OTC: variants seen among roughly 807,000 people sequenced by gnomAD.
OTC encodes ornithine transcarbamylase.
Under a neutral mutation model 30.3 loss-of-function variants are expected in OTC, and 3 were observed. The ratio of observed to expected loss-of-function variants is 0.10; its 90% CI spans 0.05 to 0.26. The LOEUF (loss-of-function observed/expected upper bound fraction) is 0.26. Among genes scored for constraint, OTC ranks in the 10% least tolerant of loss-of-function variants. The pLI is 1.00. For missense variants in OTC, 194 were observed against 260.3 expected, an observed-to-expected ratio of 0.75 and a Z score of 1.75; for synonymous variants, 111 against 99.7, an observed-to-expected ratio of 1.11 and a Z score of -0.67.
chrX:38,380,819 C>T (rs1484559277), intron 3 of OTC, among the ~76,000 whole-genome samples: 1 of 111,601 alleles, frequency 9.0e-6, no homozygotes, highest in East Asian at 2.8e-4. Flanking sequence ...ACCCCTGCCT[C>T]CCAGATTCAA....
At chrX:38,344,739 A>T in the OTC span, among the ~76,000 whole-genome samples, 1 of 111,680 alleles carries the variant, frequency 9.0e-6, no homozygotes, top group South Asian at 3.7e-4. Flanking sequence ...AAAATTTAAA[A>T]ATTTTGCTTT....
upstream of OTC, among the ~76,000 whole-genome samples, chrX:38,351,639 ATGGCCCCTTAG>A (rs1320180433): frequency 1.8e-5 from 2 of 112,542 alleles, no homozygotes; most frequent in Admixed American, 1.9e-4. Context: ...GAAGTTGCAG[ATGGCCCCTTAG>A]TGATCTGAAT....
chrX:38,383,851 T>C (rs112915656), intron 4 of OTC, among the ~76,000 whole-genome samples: 5 of 109,484 alleles, frequency 4.6e-5, no homozygotes, highest in African/African-American at 6.7e-5. Context: ...ATTGACAACA[T>C]TGACTTGCAC....
Position 38,401,423 on chromosome X carries a change from C to G in OTC, c.535C>G (p.Leu179Val), listed in dbSNP as rs2068487136. ...CCAGATCCTGGCTGATTACCTCACG[C>G]TCCAGGTTGGTTTATTTATTTGTCT... ...PIQILADYLT[L>V]QEHYSSLKGL... is the part of the protein sequence containing the mutation. The change falls in exon 5 of 10, where the codon CTC becomes GTC. Residue 179 changes from leucine to valine, a missense_variant. Transcript: ENST00000039007. The G allele has an allele frequency of 8.3e-7, 1 of 1,204,226 alleles. No individual in the cohort carries two copies. The highest frequency in any genetic ancestry group is 1.1e-6 in the Non-Finnish European group (1 of 888,681).
intron 4 of OTC, among the ~76,000 whole-genome samples, chrX:38,400,653 G>C (rs910476987): frequency 3.6e-5 from 4 of 112,359 alleles, no homozygotes; most frequent in African/African-American, 9.7e-5. Flanking sequence ...GTCTATCAGA[G>C]AGGTCCCTGT....
chrX:38,417,724 G>A (rs2068576571), intron 9 of OTC, among the ~76,000 whole-genome samples: 1 of 112,183 alleles, frequency 8.9e-6, no homozygotes, highest in South Asian at 3.7e-4. Flanking sequence ...GTACAGTGTG[G>A]TTGAAGTGTA....
chrX:38,405,336 T>A (rs2068510427), intron 6 of OTC, among the ~76,000 whole-genome samples: 1 of 111,718 alleles, frequency 9.0e-6, no homozygotes, highest in Admixed American at 9.5e-5. Flanking sequence ...ACTAGAAGTT[T>A]GAAATCAAGG....
chrX:38,333,575 C>A, the OTC span, among the ~76,000 whole-genome samples: 1 of 112,263 alleles, frequency 8.9e-6, no homozygotes, highest in Admixed American at 9.4e-5. Context: ...CGTCTGACAA[C>A]GTGCACAAGT....
chrX:38,407,030 A>G (rs2068518627), intron 6 of OTC, among the ~76,000 whole-genome samples: 1 of 112,857 alleles, frequency 8.9e-6, no homozygotes, highest in African/African-American at 3.2e-5. Context: ...CAGGACAGGC[A>G]GGATGCTTAT....
At chrX:38,390,641 A>G (rs1196488557) in intron 4 of OTC, among the ~76,000 whole-genome samples, 1 of 111,991 alleles carries the variant, frequency 8.9e-6, no homozygotes, top group African/African-American at 3.2e-5. Context: ...ACAGGACCCT[A>G]TGAGAATACA....
At chrX:38,369,977 A>T in intron 3 of OTC, 100 bp downstream of exon 3, 1 of 530,914 alleles carries the variant, frequency 1.9e-6, no homozygotes, top group Non-Finnish European at 3.3e-6. Context: ...GCCTCTAGCA[A>T]CCACAAAGAA....
the OTC span, among the ~76,000 whole-genome samples, chrX:38,338,286 A>G: frequency 1.8e-5 from 2 of 112,381 alleles, no homozygotes; most frequent in Admixed American, 1.9e-4. Context: ...ATCAGCTGTC[A>G]TTGAACTCCT....
At chrX:38,396,362 C>T (rs1437356721) in intron 4 of OTC, among the ~76,000 whole-genome samples, 1 of 111,878 alleles carries the variant, frequency 8.9e-6, no homozygotes, top group Non-Finnish European at 1.9e-5. Flanking sequence ...ATATATTAAC[C>T]TGGCCTGGTT....
chrX:38,393,946 G>A (rs1468974295), intron 4 of OTC, among the ~76,000 whole-genome samples: 1 of 111,173 alleles, frequency 9.0e-6, no homozygotes, highest in Non-Finnish European at 1.9e-5. Context: ...CAAACCTAGT[G>A]TCTTCATAGC....
At chrX:38,357,715 T>G (rs2068248892) in intron 1 of OTC, among the ~76,000 whole-genome samples, 1 of 112,788 alleles carries the variant, frequency 8.9e-6, no homozygotes. Context: ...TAGCAAATAC[T>G]CTTCCATTTT....
chrX:38,399,538 C>T (rs930314033), intron 4 of OTC, among the ~76,000 whole-genome samples: 16 of 110,706 alleles, frequency 1.4e-4, no homozygotes, highest in Non-Finnish European at 5.7e-5. Context: ...CACCTGAGGT[C>T]AGGAGTTTGA....
chrX:38,414,884 G>T lies in OTC; in HGVS notation c.1005+2885G>T, dbSNP rs768536888. On this transcript the variant is annotated intron_variant, in intron 9 of 9. Coordinates refer to ENST00000039007, the MANE Select transcript of OTC (RefSeq NM_000531.6). ...CCTTTGAGTTCAGTTCATTTCAGCA[G>T]CCATATAGTGAGCATCTACTCTATG... Among the ~76,000 whole-genome samples, 353 of 109,874 alleles carry T rather than the reference G, an allele frequency of 3.2e-3. 4 individuals are homozygous for T. The highest frequency in any genetic ancestry group is 0.011 in the African/African-American group (346 of 30,232).
chrX:38,349,419 G>T (rs760845905), upstream of OTC, among the ~76,000 whole-genome samples: 52 of 112,681 alleles, frequency 4.6e-4, no homozygotes, highest in African/African-American at 1.3e-3. Flanking sequence ...GAGATGTTTA[G>T]AACATGAAGG....
chrX:38,407,910 G>A (rs2068523023), intron 6 of OTC, among the ~76,000 whole-genome samples: 1 of 111,554 alleles, frequency 9.0e-6, no homozygotes, highest in African/African-American at 3.3e-5. Context: ...TGGGAATCTG[G>A]GATACCTTGG....
Sources: allele counts gnomAD v4.1 joint callset (sites outside exome capture counted in the v4.1 genomes callset), GRCh38; gene constraint gnomAD v4.1.1; transcripts MANE v1.5; gene names NCBI Gene and HGNC (gene_info 2026-07-23, HGNC 2026-07-21).